CXADR: variants seen among roughly 807,000 people sequenced by gnomAD.
The protein encoded by CXADR is coxsackievirus and adenovirus receptor.
Under a neutral mutation model 40.3 loss-of-function variants are expected in CXADR, and 20 were observed. That is an observed-to-expected ratio of 0.50 (90% confidence interval 0.35 to 0.72). The LOEUF is 0.72. Ranked by LOEUF, CXADR falls within the 30% of genes least tolerant of loss-of-function variation. The probability of loss-of-function intolerance (pLI) is 0.01; values close to 1 mark genes in which losing one functional copy is unlikely to be tolerated. For missense variants in CXADR, 332 were observed against 449.1 expected, an observed-to-expected ratio of 0.74 and a Z score of 2.36; for synonymous variants, 150 against 161.3, an observed-to-expected ratio of 0.93 and a Z score of 0.53.
At chr21:17,538,841 A>G (rs970727067) in intron 1 of CXADR, among the ~76,000 whole-genome samples, 3 of 152,022 alleles carry the variant, frequency 2.0e-5, no homozygotes, top group Non-Finnish European at 4.4e-5. Flanking sequence ...AATAAAAGCA[A>G]TTATATAGAG....
At chr21:17,518,441 GTGA>G in intron 1 of CXADR, 1 of 691,716 alleles carries the variant, frequency 1.4e-6, no homozygotes, top group East Asian at 2.5e-5. Flanking sequence ...CTAGTAACAG[GTGA>G]TGTTCTCTGT....
chr21:17,603,563 G>A, the CXADR span, among the ~76,000 whole-genome samples: 1 of 152,142 alleles, frequency 6.6e-6, no homozygotes, highest in Non-Finnish European at 1.5e-5. Flanking sequence ...ACCACCTTAG[G>A]AGTACATAGT....
In CXADR at chr21:17,563,484, C is replaced by T. The variant is rs79658944; in HGVS notation, c.834-1944C>T. Among the ~76,000 whole-genome samples the T allele has an allele frequency of 6.2e-3, 941 of 152,090 alleles. 7 individuals carry two copies. Among genetic ancestry groups the T allele is most frequent in the African/African-American group, 0.022 (908 of 41,496 alleles). ...ACACAACATTTATTAAGTTTGCTGTCTCTTATGGGCATCATTCATGGTGCC... is the reference window on the plus strand; with the variant it reads ...ACACAACATTTATTAAGTTTGCTGTTTCTTATGGGCATCATTCATGGTGCC... On this transcript the variant is annotated intron_variant, in intron 6 of 6. Transcript: ENST00000284878.
At chr21:17,589,005 T>C (rs2061416579) in intron 7 of CXADR, among the ~76,000 whole-genome samples, 1 of 152,092 alleles carries the variant, frequency 6.6e-6, no homozygotes, top group African/African-American at 2.4e-5. Context: ...TCCTTTTTGT[T>C]GTTGTTAAAG....
At chr21:17,592,628 A>AT (rs886549008) in intron 7 of CXADR, among the ~76,000 whole-genome samples, 12 of 151,262 alleles carry the variant, frequency 7.9e-5, no homozygotes, top group South Asian at 2.1e-4. Context: ...TCTGAAAGTA[A>AT]TTTTTTTTTC....
Position 17,533,284 on chromosome 21 carries a change from C to T in CXADR, c.44-13743C>T, listed in dbSNP as rs544796607. The stretch of plus-strand genomic sequence containing the variant: ...TTTCCAAAAAAAGAAAAAGTTTCAC[C>T]CAAACCCCTGAACCATGTGCCACCT... On this transcript the variant is annotated intron_variant, in intron 1 of 6. Transcript: ENST00000284878. 8.5e-5 allele frequency among the ~76,000 whole-genome samples: 13 copies of T among 152,158 alleles called. No homozygotes were observed. In the South Asian group the frequency reaches 2.7e-3, roughly 32 times the overall value.
chr21:17,606,944 C>A, the CXADR span, among the ~76,000 whole-genome samples: 1 of 152,110 alleles, frequency 6.6e-6, no homozygotes, highest in Non-Finnish European at 1.5e-5. Context: ...TGCCAAATTG[C>A]TCTCTACAAG....
chr21:17,579,652 G>A (rs1452149613), intron 7 of CXADR, among the ~76,000 whole-genome samples: 1 of 152,196 alleles, frequency 6.6e-6, no homozygotes, highest in East Asian at 1.9e-4. Context: ...GTAGGGCAGG[G>A]TAAGAAGACA....
chr21:17,534,019 T>TATATAGCTATATATATATATATACAC lies in CXADR; in HGVS notation c.44-13003_44-13002insGCTATATATATATATATACACATATA, dbSNP rs1555864917. ...TCTCTTTCTCAGCAATATATATATA[T>TATATAGCTATATATATATATATACAC]ATATATATAGCTATATATATATATA... On this transcript the variant is annotated intron_variant, in intron 1 of 6. Transcript: ENST00000284878. Among the ~76,000 whole-genome samples, 65 of 81,382 alleles carry TATATAGCTATATATATATATATACAC rather than the reference T, an allele frequency of 8.0e-4. No homozygotes were observed. The East Asian group carries it at 0.011, about 13-fold the overall frequency. The allele number at this position is 81,382 out of a possible 152,430, so 53.4% of individuals were successfully genotyped here.
At chr21:17,536,179 G>T (rs1424218053) in intron 1 of CXADR, among the ~76,000 whole-genome samples, 2 of 152,136 alleles carry the variant, frequency 1.3e-5, no homozygotes, top group Non-Finnish European at 2.9e-5. Flanking sequence ...TCTATAGAAT[G>T]AAGAATACGT....
In CXADR at chr21:17,546,479, C is replaced by A. The variant is rs1308215650; in HGVS notation, c.44-548C>A. ...GGAAACTTACAATCATGGCAGAAGG[C>A]GAAGGGGAGGCAGGCACGTCCCACG... On this transcript the variant is annotated intron_variant, in intron 1 of 6. Transcript: ENST00000284878. Among the ~76,000 whole-genome samples, 10 of 152,120 alleles carry A rather than the reference C, an allele frequency of 6.6e-5. 1 individual carries two copies. The highest frequency in any genetic ancestry group is 6.5e-4 in the Admixed American group (10 of 15,272).
chr21:17,536,084 A>G (rs967488150), intron 1 of CXADR, among the ~76,000 whole-genome samples: 2 of 152,184 alleles, frequency 1.3e-5, no homozygotes, highest in Non-Finnish European at 1.5e-5. Flanking sequence ...GGCGCCAGAT[A>G]TTTCGAGAAG....
chr21:17,606,243 G>A, the CXADR span, among the ~76,000 whole-genome samples: 2 of 152,116 alleles, frequency 1.3e-5, no homozygotes, highest in African/African-American at 4.8e-5. Flanking sequence ...GGCAGAGAGA[G>A]TTTGAGTAAC....
chr21:17,525,444 A>G (rs2060587243), intron 1 of CXADR, among the ~76,000 whole-genome samples: 1 of 152,228 alleles, frequency 6.6e-6, no homozygotes. Context: ...ATCTCAAGGG[A>G]CATACAATGA....
At chr21:17,580,214 A>C (rs2123377935) in intron 7 of CXADR, among the ~76,000 whole-genome samples, 1 of 152,352 alleles carries the variant, frequency 6.6e-6, no homozygotes, top group South Asian at 2.1e-4. Context: ...TCTGCAGTTA[A>C]GTATGTTCTC....
At chr21:17,517,235 C>T (rs568362998) in intron 1 of CXADR, among the ~76,000 whole-genome samples, 192 of 152,286 alleles carry the variant, frequency 1.3e-3, no homozygotes, top group Admixed American at 2.0e-3. Context: ...TTCTATTAGA[C>T]AGCAAGAGGG....
the CXADR span, among the ~76,000 whole-genome samples, chr21:17,616,893 C>T: frequency 2.6e-5 from 4 of 152,252 alleles, no homozygotes; most frequent in East Asian, 7.7e-4. Flanking sequence ...ATCCATAAAG[C>T]AGCAGTGATT....
intron 7 of CXADR, among the ~76,000 whole-genome samples, chr21:17,588,854 A>T (rs1365361926): frequency 1.3e-5 from 2 of 152,090 alleles, no homozygotes; most frequent in African/African-American, 2.4e-5. Flanking sequence ...TTTTAAAATT[A>T]TGATTTCTAT....
intron 7 of CXADR, among the ~76,000 whole-genome samples, chr21:17,592,307 A>C (rs891146136): frequency 3.9e-5 from 6 of 152,018 alleles, no homozygotes; most frequent in Non-Finnish European, 8.8e-5. Flanking sequence ...CAAGTGCCTT[A>C]TATAAAATGG....
Sources: gnomAD v4.1 joint callset for allele counts (sites outside exome capture counted in the v4.1 genomes callset) on GRCh38, gnomAD v4.1.1 for gene constraint, MANE v1.5 for transcripts, NCBI Gene and HGNC (gene_info 2026-07-23, HGNC 2026-07-21) for gene names.